The following DLGAP2 variants were observed in gnomAD, a reference collection of about 807,000 sequenced individuals.
DLGAP2 encodes the protein DLG associated protein 2, also known as disks large-associated protein 2.
Under a neutral mutation model 100.3 loss-of-function variants are expected in DLGAP2, and 26 were observed. The observed-to-expected ratio is 0.26, with a 90% CI of 0.19 to 0.36. The LOEUF is 0.36. Among genes scored for constraint, DLGAP2 ranks in the 10% least tolerant of loss-of-function variants. The pLI, the probability that DLGAP2 is intolerant of heterozygous loss-of-function variation, is 1.00. For synonymous variants in DLGAP2, 886 were observed against 630.1 expected (o/e 1.41, Z -6.08); for missense variants, 1,858 against 1,453.2 (o/e 1.28, Z -4.53).
chr8:1,616,906 C>T (rs1797173010), intron 6 of DLGAP2, among the ~76,000 whole-genome samples: 1 of 152,060 alleles, frequency 6.6e-6, no homozygotes, highest in Non-Finnish European at 1.5e-5. Flanking sequence ...TCCAGGAGGC[C>T]CCAGTATGTG....
intron 2 of DLGAP2, among the ~76,000 whole-genome samples, chr8:962,439 A>C (rs1799747962): frequency 6.6e-6 from 1 of 152,190 alleles, no homozygotes; most frequent in Non-Finnish European, 1.5e-5. Flanking sequence ...GTCAGTGTCC[A>C]GGAGTTGCTG....
chr8:868,354 C>A (rs184492250), intron 1 of DLGAP2, among the ~76,000 whole-genome samples: 1 of 152,126 alleles, frequency 6.6e-6, no homozygotes, highest in Non-Finnish European at 1.5e-5. Context: ...CATGTACTTA[C>A]AAGGTCACCT....
intron 3 of DLGAP2, among the ~76,000 whole-genome samples, chr8:1,349,326 CAGGT>C (rs1277725294): frequency 1.3e-5 from 2 of 150,632 alleles, no homozygotes; most frequent in Non-Finnish European, 3.0e-5. Flanking sequence ...CATCCACACA[CAGGT>C]AGGAAGGGGT....
intron 3 of DLGAP2, among the ~76,000 whole-genome samples, chr8:1,440,963 TC>T (rs1225649024): frequency 6.6e-6 from 1 of 152,174 alleles, no homozygotes; most frequent in Non-Finnish European, 1.5e-5. Flanking sequence ...AGCACGTAAG[TC>T]TACATGAAAC....
intron 3 of DLGAP2, among the ~76,000 whole-genome samples, chr8:1,324,248 A>G (rs759840432): frequency 1.3e-5 from 2 of 152,224 alleles, no homozygotes; most frequent in Non-Finnish European, 2.9e-5. Flanking sequence ...TAAGAACAGA[A>G]TGGTGTTTGT....
intron 2 of DLGAP2, among the ~76,000 whole-genome samples, chr8:963,488 A>G (rs1232959500): frequency 2.6e-5 from 4 of 152,212 alleles, no homozygotes; most frequent in East Asian, 1.9e-4. Flanking sequence ...TAATTTTAAT[A>G]TAACTTTTAT....
At chr8:1,153,845 G>T (rs534592050) in intron 2 of DLGAP2, among the ~76,000 whole-genome samples, 2 of 152,240 alleles carry the variant, frequency 1.3e-5, no homozygotes, top group Non-Finnish European at 2.9e-5. Context: ...CTTGATAAAT[G>T]CATCTAGCAC....
chr8:1,552,015 G>T (rs926488466), intron 5 of DLGAP2, among the ~76,000 whole-genome samples: 3 of 151,772 alleles, frequency 2.0e-5, no homozygotes, highest in Admixed American at 6.6e-5. Flanking sequence ...TTTTTGTTTG[G>T]AACCAGCTGG....
chr8:1,213,107 C>G (rs924609152), intron 2 of DLGAP2, among the ~76,000 whole-genome samples: 2 of 152,054 alleles, frequency 1.3e-5, no homozygotes, highest in African/African-American at 4.8e-5. Context: ...TCAAAGATCT[C>G]CAGGTTTTCC....
rs186380589 is a variant in DLGAP2, at chr8:1,551,476, C to T, written c.1230+1793C>T. On this transcript the variant is annotated intron_variant, in intron 5 of 14. Coordinates refer to ENST00000637795, the MANE Select transcript of DLGAP2 (RefSeq NM_001346810.2). ...CCAAGCCCCTCCAGCTGCGCCTTCT[C>T]CACAGGTCCTGTGCCCCTTGGACCT... is the stretch of plus-strand genomic sequence containing the variant. Among the ~76,000 whole-genome samples the T allele has an allele frequency of 2.9e-3, 446 of 152,292 alleles. 6 individuals carry two copies. The highest frequency in any genetic ancestry group is 0.016 in the South Asian group (78 of 4,820).
rs1475017967 is a variant in DLGAP2, at chr8:1,102,320, T to C, written c.74-156531T>C. ...CATGTAATATATAATTACATAATAA[T>C]ATATATAAATTACATATATAATTAT... On this transcript the variant is annotated intron_variant, in intron 2 of 14. Coordinates refer to ENST00000637795, the MANE Select transcript of DLGAP2 (RefSeq NM_001346810.2). Among the ~76,000 whole-genome samples, 15 of 147,570 alleles carry C rather than the reference T, an allele frequency of 1.0e-4. No homozygotes were observed. In the Admixed American group the frequency reaches 1.0e-3, roughly 10 times the overall value.
intron 7 of DLGAP2, among the ~76,000 whole-genome samples, chr8:1,631,455 A>C (rs1362138110): frequency 6.6e-6 from 1 of 152,178 alleles, no homozygotes; most frequent in Non-Finnish European, 1.5e-5. Context: ...TTACATTGGA[A>C]GAAATTTATG....
chr8:1,130,379 A>C (rs1050461976), intron 2 of DLGAP2, among the ~76,000 whole-genome samples: 25 of 152,194 alleles, frequency 1.6e-4, no homozygotes, highest in African/African-American at 5.8e-4. Context: ...AAAGCAACTC[A>C]CAGATATGAC....
intron 3 of DLGAP2, chr8:1,302,532 T>C (rs79600353): frequency 6.7e-6 from 1 of 148,986 alleles, no homozygotes; most frequent in Non-Finnish European, 1.5e-5. Flanking sequence ...CTCTGCTCCA[T>C]ACCCGGGACT....
chr8:1,172,983 T>C (rs1797162668), intron 2 of DLGAP2, among the ~76,000 whole-genome samples: 1 of 152,332 alleles, frequency 6.6e-6, no homozygotes, highest in East Asian at 1.9e-4. Flanking sequence ...CCATTTTTTC[T>C]GCTCTGTTTT....
intron 2 of DLGAP2, among the ~76,000 whole-genome samples, chr8:1,227,153 G>GAGATATATATATATATATATATATATAT (rs1554506451): frequency 3.3e-5 from 3 of 89,750 alleles, no homozygotes; most frequent in Non-Finnish European, 5.9e-5. Flanking sequence ...GAAACTGTGA[G>GAGATATATATATATATATATATATATAT]ATATATATAT....
In DLGAP2 at chr8:1,457,408, G is replaced by A. The variant is rs148022973; in HGVS notation, c.107-43958G>A. 7.9e-5 allele frequency among the ~76,000 whole-genome samples: 12 copies of A among 152,238 alleles called. No individual in the cohort carries two copies. The East Asian group carries it at 2.1e-3, about 27-fold the overall frequency. On this transcript the variant is annotated intron_variant, in intron 3 of 14. Transcript: ENST00000637795. ...AGTTTTCCTGGAGGCTGTGTATGCC[G>A]TAAGAAATTTACTGAGAAATGTATT... is the stretch of plus-strand genomic sequence containing the variant.
At chr8:1,648,631 C>G (rs1798096454) in intron 8 of DLGAP2, among the ~76,000 whole-genome samples, 1 of 152,104 alleles carries the variant, frequency 6.6e-6, no homozygotes, top group East Asian at 1.9e-4. Flanking sequence ...GTCTGCAGAC[C>G]TTCCCTGGGG....
chr8:1,531,865 T>G (rs1459507947), intron 4 of DLGAP2, among the ~76,000 whole-genome samples: 1 of 152,144 alleles, frequency 6.6e-6, no homozygotes, highest in African/African-American at 2.4e-5. Context: ...TTTAGAAAGT[T>G]TATTTTGCCA....
Sources: gnomAD v4.1 joint callset for allele counts (sites outside exome capture counted in the v4.1 genomes callset) on GRCh38, gnomAD v4.1.1 for gene constraint, MANE v1.5 for transcripts, NCBI Gene and HGNC (gene_info 2026-07-23, HGNC 2026-07-21) for gene names.